The following POU6F2 variants were observed in gnomAD, a reference collection of about 807,000 sequenced individuals.
The protein encoded by POU6F2 is POU domain, class 6, transcription factor 2.
Under a neutral mutation model 71.3 loss-of-function variants are expected in POU6F2, and 31 were observed. The observed-to-expected ratio is 0.43, with a 90% CI of 0.33 to 0.59. The LOEUF (loss-of-function observed/expected upper bound fraction) is 0.59, where lower values mean the gene tolerates loss of function less well. Ranked by LOEUF, POU6F2 falls within the 20% of genes least tolerant of loss-of-function variation. The pLI is 0.04. For synonymous variants in POU6F2, 347 were observed against 355.7 expected (o/e 0.98, Z 0.27); for missense variants, 783 against 856.8 (o/e 0.91, Z 1.07).
intron 5 of POU6F2, among the ~76,000 whole-genome samples, chr7:39,344,976 A>G (rs1014743617): frequency 6.6e-6 from 1 of 152,252 alleles, no homozygotes; most frequent in Non-Finnish European, 1.5e-5. Context: ...CACTCATCTC[A>G]GATGCAGAAT....
At chr7:39,078,464 T>C (rs1791040935) in intron 1 of POU6F2, among the ~76,000 whole-genome samples, 1 of 152,204 alleles carries the variant, frequency 6.6e-6, no homozygotes. Flanking sequence ...CCATTAATGC[T>C]GGTCAATAAG....
intron 4 of POU6F2, among the ~76,000 whole-genome samples, chr7:39,334,189 T>C (rs1292846210): frequency 6.6e-6 from 1 of 152,238 alleles, no homozygotes; most frequent in Non-Finnish European, 1.5e-5. Flanking sequence ...GCAATACTTC[T>C]GGAGCTGATA....
rs909916903 is a variant in POU6F2, at chr7:38,980,711, T to A, written c.105+2653T>A. Among the ~76,000 whole-genome samples, 14 of 152,326 alleles carry A rather than the reference T, an allele frequency of 9.2e-5. No homozygotes were observed. The East Asian group carries it at 2.7e-3, about 29-fold the overall frequency. ...GGAATAATTATTATTTTTGTCTTTT[T>A]TTTTTCCTGTTCTGAGTGCTGTTCC... On this transcript the variant is annotated intron_variant, in intron 1 of 9. Coordinates refer to ENST00000518318, the MANE Select transcript of POU6F2 (RefSeq NM_001370959.1).
intron 2 of POU6F2, among the ~76,000 whole-genome samples, chr7:39,116,748 C>T (rs1483626317): frequency 6.6e-6 from 1 of 152,148 alleles, no homozygotes; most frequent in African/African-American, 2.4e-5. Context: ...TCTCCCCTCC[C>T]TCCAGTGTTA....
intron 5 of POU6F2, chr7:39,373,420 A>C (rs117094730): frequency 2.2e-6 from 1 of 456,690 alleles, no homozygotes. Flanking sequence ...GCCAACAGTC[A>C]TGTTCCTGTT....
intron 6 of POU6F2, among the ~76,000 whole-genome samples, chr7:39,414,634 G>T (rs1787630157): frequency 1.3e-5 from 2 of 152,344 alleles, no homozygotes; most frequent in Non-Finnish European, 1.5e-5. Flanking sequence ...GGCCCCAGCA[G>T]AAGCGCCGGG....
rs561348767 is a variant in POU6F2, at chr7:39,026,982, C to T, written c.105+48924C>T. ...TCTGATACTCAGGGATGAATTTAGG[C>T]AATTGACTGGTTTTCCCTCTATTTT... On this transcript the variant is annotated intron_variant, in intron 1 of 9. Transcript: ENST00000518318. Among the ~76,000 whole-genome samples, 41 of 152,124 alleles carry T rather than the reference C, an allele frequency of 2.7e-4. No individual in the cohort carries two copies. In the East Asian group the frequency reaches 6.6e-3, roughly 24 times the overall value.
intron 4 of POU6F2, among the ~76,000 whole-genome samples, chr7:39,274,589 C>T: frequency 7.6e-6 from 1 of 132,204 alleles, no homozygotes; most frequent in African/African-American, 2.8e-5. Flanking sequence ...CAGGCAGAGA[C>T]ACAACCAAAA....
At chr7:39,260,678 A>T (rs111162248) in intron 4 of POU6F2, among the ~76,000 whole-genome samples, 2 of 151,564 alleles carry the variant, frequency 1.3e-5, no homozygotes, top group Non-Finnish European at 2.9e-5. Flanking sequence ...TACACACCAG[A>T]TGCCACACAT....
At chr7:39,102,426 T>C (rs1222220520) in intron 2 of POU6F2, among the ~76,000 whole-genome samples, 1 of 152,174 alleles carries the variant, frequency 6.6e-6, no homozygotes, top group Admixed American at 6.5e-5. Flanking sequence ...GTCTGCCTCC[T>C]TGCTGGGTAG....
intron 4 of POU6F2, among the ~76,000 whole-genome samples, chr7:39,331,418 G>A (rs1028270300): frequency 6.6e-6 from 1 of 152,114 alleles, no homozygotes; most frequent in African/African-American, 2.4e-5. Flanking sequence ...CCCTCTTCAC[G>A]TCCTCACCAA....
chr7:39,244,288 C>T (rs939145870), intron 4 of POU6F2, among the ~76,000 whole-genome samples: 3 of 152,086 alleles, frequency 2.0e-5, no homozygotes, highest in South Asian at 2.1e-4. Flanking sequence ...CAGCATTTTG[C>T]CCCCAAACCA....
intron 2 of POU6F2, among the ~76,000 whole-genome samples, chr7:39,186,769 A>T (rs1481161100): frequency 6.6e-6 from 1 of 152,070 alleles, no homozygotes; most frequent in Admixed American, 6.6e-5. Flanking sequence ...TTTGCAAATC[A>T]CTGGGGGAGG....
At chr7:39,312,353 A>G (rs56055019) in intron 4 of POU6F2, among the ~76,000 whole-genome samples, 69,496 of 152,006 alleles carry the variant, frequency 0.46, 16,682 homozygotes, top group Admixed American at 0.59. Context: ...CAAGCTGTCT[A>G]GAAAGTACCC....
intron 1 of POU6F2, among the ~76,000 whole-genome samples, chr7:39,024,348 T>C (rs1789749610): frequency 6.6e-6 from 1 of 152,186 alleles, no homozygotes; most frequent in Non-Finnish European, 1.5e-5. Flanking sequence ...TTTTTGTACA[T>C]TGATTTTGTA....
intron 2 of POU6F2, among the ~76,000 whole-genome samples, chr7:39,125,458 C>T (rs988770231): frequency 2.6e-5 from 4 of 152,112 alleles, no homozygotes; most frequent in African/African-American, 4.8e-5. Context: ...ACCTTCTGTC[C>T]TTCTGCCTGA....
chr7:39,351,419 T>C (rs1336057840), intron 5 of POU6F2, among the ~76,000 whole-genome samples: 2 of 152,210 alleles, frequency 1.3e-5, no homozygotes, highest in African/African-American at 4.8e-5. Context: ...ATTAGCCCGA[T>C]ATCTGCAGAA....
intron 2 of POU6F2, among the ~76,000 whole-genome samples, chr7:39,155,953 A>T (rs1229061224): frequency 1.3e-5 from 2 of 152,174 alleles, no homozygotes; most frequent in Admixed American, 6.5e-5. Context: ...TCTTGAGAAA[A>T]TTCCCCTTCC....
At chr7:39,142,918 A>G (rs554978679) in intron 2 of POU6F2, among the ~76,000 whole-genome samples, 8 of 152,292 alleles carry the variant, frequency 5.3e-5, no homozygotes, top group Non-Finnish European at 1.0e-4. Context: ...ACATTTATTT[A>G]TCTAACAGAC....
Sources: gnomAD v4.1 joint callset for allele counts (sites outside exome capture counted in the v4.1 genomes callset) on GRCh38, gnomAD v4.1.1 for gene constraint, MANE v1.5 for transcripts, NCBI Gene and HGNC (gene_info 2026-07-23, HGNC 2026-07-21) for gene names.